Variants in LIMCH1 observed in about 807,000 individuals in gnomAD.
LIMCH1 encodes the protein LIM and calponin homology domains-containing protein 1.
In LIMCH1, 113 loss-of-function variants were observed where a neutral mutation model predicts 176.5. The observed-to-expected ratio is 0.64, with a 90% CI of 0.55 to 0.75. LIMCH1 has a LOEUF of 0.75. Among genes scored for constraint, LIMCH1 ranks in the 30% least tolerant of loss-of-function variants. The pLI is 0.00. For missense variants in LIMCH1, 1,674 were observed against 1,814.9 expected, an observed-to-expected ratio of 0.92 and a Z score of 1.41; for synonymous variants, 619 against 645.9, an observed-to-expected ratio of 0.96 and a Z score of 0.63.
At chr4:41,419,680 C>T (rs1308555861) in intron 1 of LIMCH1, among the ~76,000 whole-genome samples, 1 of 61,324 alleles carries the variant, frequency 1.6e-5, no homozygotes, top group African/African-American at 9.1e-5. Context: ...TTCCTTCCTT[C>T]CTCCTTCCTT....
chr4:41,682,672 C>CTTTTTTTT (rs1479823691), intron 26 of LIMCH1, among the ~76,000 whole-genome samples: 7 of 139,922 alleles, frequency 5.0e-5, no homozygotes, highest in Non-Finnish European at 7.8e-5. Context: ...TTTTTTTCTT[C>CTTTTTTTT]TTCTTCTTTT....
At position 41,619,417 on chromosome 4, in the gene LIMCH1, G is replaced by T. The variant is rs200771376; in HGVS notation, c.435G>T (p.Pro145=). 2.7e-5 allele frequency: 43 copies of T among 1,610,648 alleles called. 1 individual carries two copies. The South Asian group carries it at 4.3e-4, about 16-fold the overall frequency. Residue 145 remains proline, a synonymous_variant, in exon 6 of 32, where the codon CCG becomes CCT. Coordinates refer to ENST00000503057, the MANE Select transcript of LIMCH1 (RefSeq NM_001330672.2). The part of the protein sequence containing the change: ...YRKSWSTATS[P]LGGERPFSFP... Reference sequence around the variant, plus strand: ...AGAGCTGGAGTACCGCCACCTCCCCGCTGGGTGGGGAGAGGCCCTTCAGGT... The same window carrying T: ...AGAGCTGGAGTACCGCCACCTCCCCTCTGGGTGGGGAGAGGCCCTTCAGGT...
intron 1 of LIMCH1, among the ~76,000 whole-genome samples, chr4:41,397,155 C>T (rs2057888744): frequency 6.6e-6 from 1 of 152,120 alleles, no homozygotes; most frequent in East Asian, 1.9e-4. Context: ...GAAGGATTTC[C>T]TTGCTTCTAA....
intron 1 of LIMCH1, among the ~76,000 whole-genome samples, chr4:41,553,195 G>C (rs1055300248): frequency 6.6e-6 from 1 of 152,166 alleles, no homozygotes; most frequent in South Asian, 2.1e-4. Context: ...ACTGTCTACT[G>C]TGCCAGCCAC....
chr4:41,686,530 A>G lies in LIMCH1; in HGVS notation c.4088+700A>G, dbSNP rs138314381. Among the ~76,000 whole-genome samples the G allele has an allele frequency of 1.7e-3, 258 of 152,310 alleles. 2 individuals carry two copies. In the East Asian group the frequency reaches 0.018, roughly 11 times the overall value. On this transcript the variant is annotated intron_variant, in intron 28 of 31. Coordinates refer to ENST00000503057, the MANE Select transcript of LIMCH1 (RefSeq NM_001330672.2). ...TGAGCCAGAGATACCTTATAACCCA[A>G]TGTTTAAAATGTTAACATTCATAGT...
chr4:41,601,763 G>T (rs780608086), intron 2 of LIMCH1, among the ~76,000 whole-genome samples: 1 of 152,112 alleles, frequency 6.6e-6, no homozygotes, highest in Non-Finnish European at 1.5e-5. Flanking sequence ...ATAAACTATC[G>T]GATTTCGTGT....
chr4:41,418,300 T>C (rs1419124032), intron 1 of LIMCH1, among the ~76,000 whole-genome samples: 1 of 152,204 alleles, frequency 6.6e-6, no homozygotes, highest in Non-Finnish European at 1.5e-5. Flanking sequence ...TATTCTAGAT[T>C]GTATGGAAGT....
chr4:41,573,972 A>G (rs1232517607), intron 1 of LIMCH1, among the ~76,000 whole-genome samples: 2 of 152,118 alleles, frequency 1.3e-5, no homozygotes, highest in South Asian at 2.1e-4. Context: ...CTATAATACA[A>G]TTAGGAAGAC....
At chr4:41,445,149 G>A (rs1185563479) in intron 1 of LIMCH1, among the ~76,000 whole-genome samples, 1 of 151,796 alleles carries the variant, frequency 6.6e-6, no homozygotes, top group African/African-American at 2.4e-5. Context: ...GGAACTACAG[G>A]TGCACACCGC....
chr4:41,553,988 T>C (rs1193436396), intron 1 of LIMCH1, among the ~76,000 whole-genome samples: 1 of 152,092 alleles, frequency 6.6e-6, no homozygotes, highest in African/African-American at 2.4e-5. Context: ...GGAGAAGCTG[T>C]GGTGTGGTGG....
At chr4:41,463,734 T>G (rs538157291) in intron 1 of LIMCH1, among the ~76,000 whole-genome samples, 3 of 151,834 alleles carry the variant, frequency 2.0e-5, no homozygotes, top group African/African-American at 7.3e-5. Flanking sequence ...CGCGCTACCA[T>G]GTGTGGCTAA....
chr4:41,603,876 A>G lies in LIMCH1; in HGVS notation c.-132A>G, dbSNP rs1282528621. 10 of 1,604,698 alleles carry G rather than the reference A, an allele frequency of 6.2e-6. No individual in the cohort carries two copies. The highest frequency in any genetic ancestry group is 8.5e-6 in the Non-Finnish European group (10 of 1,172,652). On this transcript the variant is annotated splice_region_variant and 5_prime_UTR_variant, in exon 3 of 32. Coordinates refer to ENST00000503057, the MANE Select transcript of LIMCH1 (RefSeq NM_001330672.2). ...TTTCTTTTCCCTTTCCTTGACTAGGAGCCTTGATTATAGTAGGAAGCTGAA... is the reference window on the plus strand; with the variant it reads ...TTTCTTTTCCCTTTCCTTGACTAGGGGCCTTGATTATAGTAGGAAGCTGAA...
intron 2 of LIMCH1, among the ~76,000 whole-genome samples, chr4:41,495,831 T>C (rs2072025580): frequency 6.6e-6 from 1 of 152,188 alleles, no homozygotes; most frequent in African/African-American, 2.4e-5. Flanking sequence ...TCAGCATTTT[T>C]TTCTGCCTCC....
intron 1 of LIMCH1, among the ~76,000 whole-genome samples, chr4:41,561,666 T>C (rs774425310): frequency 4.6e-5 from 7 of 152,150 alleles, no homozygotes; most frequent in Non-Finnish European, 8.8e-5. Context: ...GGCACTAAAA[T>C]GTGGACAAGT....
intron 1 of LIMCH1, among the ~76,000 whole-genome samples, chr4:41,467,134 C>CAT (rs2066237650): frequency 6.8e-6 from 1 of 146,090 alleles, no homozygotes; most frequent in African/African-American, 2.6e-5. Context: ...GTAATATTCC[C>CAT]ATATATATAT....
intron 1 of LIMCH1, among the ~76,000 whole-genome samples, chr4:41,426,734 C>A (rs986903365): frequency 1.2e-4 from 18 of 152,208 alleles, no homozygotes; most frequent in Non-Finnish European, 2.2e-4. Context: ...GCCACCCATT[C>A]CCGAGTGTGT....
chr4:41,456,483 G>A (rs551115078), intron 1 of LIMCH1, among the ~76,000 whole-genome samples: 12 of 152,240 alleles, frequency 7.9e-5, no homozygotes, highest in African/African-American at 2.9e-4. Context: ...CATCTAGATT[G>A]AAAACAATAC....
chr4:41,494,808 A>G (rs993382095), intron 2 of LIMCH1, among the ~76,000 whole-genome samples: 6 of 152,158 alleles, frequency 3.9e-5, no homozygotes, highest in African/African-American at 1.2e-4. Context: ...GACTGTGGCA[A>G]TTGCAAACAA....
chr4:41,512,674 AT>A (rs2075070902), intron 2 of LIMCH1, among the ~76,000 whole-genome samples: 1 of 152,188 alleles, frequency 6.6e-6, no homozygotes, highest in South Asian at 2.1e-4. Flanking sequence ...ATATAATTTC[AT>A]TTATATAAAT....
Sources: gnomAD v4.1 joint callset for allele counts (sites outside exome capture counted in the v4.1 genomes callset) on GRCh38, gnomAD v4.1.1 for gene constraint, MANE v1.5 for transcripts, NCBI Gene and HGNC (gene_info 2026-07-23, HGNC 2026-07-21) for gene names.